The following MMRN1 variants were observed in gnomAD, a reference collection of about 807,000 sequenced individuals.
MMRN1 encodes multimerin-1.
A neutral mutation model predicts 100.7 loss-of-function variants in MMRN1; 94 were observed. The observed-to-expected ratio is 0.93, with a 90% CI of 0.79 to 1.11. The LOEUF (loss-of-function observed/expected upper bound fraction) is 1.11, where lower values mean the gene tolerates loss of function less well. MMRN1 is among the 50% of genes least tolerant of loss of function. The pLI, the probability that MMRN1 is intolerant of heterozygous loss-of-function variation, is 0.00. For synonymous variants in MMRN1, 575 were observed against 505.0 expected (o/e 1.14, Z -1.86); for missense variants, 1,606 against 1,439.1 (o/e 1.12, Z -1.88).
chr4:89,890,120 A>T (rs1721018416), upstream of MMRN1, among the ~76,000 whole-genome samples: 1 of 151,772 alleles, frequency 6.6e-6, no homozygotes, highest in Admixed American at 6.6e-5. Flanking sequence ...CTCTGAGACT[A>T]CCCCAACAGA....
At chr4:89,944,290 G>A (rs559991863) in intron 6 of MMRN1, among the ~76,000 whole-genome samples, 9 of 152,010 alleles carry the variant, frequency 5.9e-5, no homozygotes, top group Admixed American at 4.6e-4. Flanking sequence ...AAAATTACTG[G>A]TGCAAAGCCC....
At chr4:89,919,035 G>C (rs1264668989) in intron 3 of MMRN1, among the ~76,000 whole-genome samples, 2 of 151,432 alleles carry the variant, frequency 1.3e-5, no homozygotes, top group African/African-American at 2.4e-5. Context: ...TGACTTTTAA[G>C]TTTTCTAAGA....
intron 6 of MMRN1, among the ~76,000 whole-genome samples, chr4:89,951,239 G>A (rs186614780): frequency 6.6e-6 from 1 of 151,918 alleles, no homozygotes; most frequent in Admixed American, 6.6e-5. Flanking sequence ...ACCATGTATC[G>A]AACAGATATT....
chr4:89,951,841 T>G, intron 7 of MMRN1, 90 bp downstream of exon 7: 1 of 1,393,532 alleles, frequency 7.2e-7, no homozygotes, highest in Non-Finnish European at 9.8e-7. Flanking sequence ...TATTTAAGCC[T>G]GCTTAATCTG....
intron 1 of MMRN1, among the ~76,000 whole-genome samples, chr4:89,905,055 G>A (rs891719136): frequency 7.9e-5 from 12 of 151,576 alleles, no homozygotes; most frequent in African/African-American, 2.9e-4. Context: ...ATAGAGTTGA[G>A]AATGAGATGA....
At chr4:89,914,732 A>G (rs896346021) in intron 3 of MMRN1, among the ~76,000 whole-genome samples, 1 of 151,540 alleles carries the variant, frequency 6.6e-6, no homozygotes, top group Non-Finnish European at 1.5e-5. Flanking sequence ...CTTTTCAAAA[A>G]GTCAGCAGTA....
chr4:89,938,503 A>ATATATATATG (rs1300612845), intron 6 of MMRN1, among the ~76,000 whole-genome samples: 8 of 78,676 alleles, frequency 1.0e-4, no homozygotes, highest in African/African-American at 4.2e-4. Context: ...ATATATATAT[A>ATATATATATG]TATATATATT....
At chr4:89,941,121 G>T (rs1722808040) in intron 6 of MMRN1, among the ~76,000 whole-genome samples, 1 of 152,104 alleles carries the variant, frequency 6.6e-6, no homozygotes, top group Non-Finnish European at 1.5e-5. Flanking sequence ...TATACCTCAA[G>T]ATAACTAATA....
At chr4:89,895,687 A>C in intron 1 of MMRN1, 93 bp downstream of exon 1, 1 of 1,444,994 alleles carries the variant, frequency 6.9e-7, no homozygotes, top group Non-Finnish European at 9.1e-7. Context: ...AAATTATTTC[A>C]AATTCAAGAT....
chr4:89,880,218 A>G (rs1299153530), intron 1 of MMRN1, among the ~76,000 whole-genome samples: 1 of 152,192 alleles, frequency 6.6e-6, no homozygotes, highest in Non-Finnish European at 1.5e-5. Context: ...TAAGCCCTAA[A>G]GTAAAAGGAT....
chr4:89,879,692 T>A (rs1720779565), intron 1 of MMRN1: 1 of 152,152 alleles, frequency 6.6e-6, no homozygotes, highest in East Asian at 1.9e-4. Flanking sequence ...AGATTACAGG[T>A]CTATTTCAAG....
At position 89,915,379 on chromosome 4, in the gene MMRN1, A is replaced by G. The variant is rs561262801; in HGVS notation, c.850+3329A>G. 2.0e-5 allele frequency among the ~76,000 whole-genome samples: 3 copies of G among 151,648 alleles called. No individual in the cohort carries two copies. In the East Asian group the frequency reaches 5.8e-4, roughly 29 times the overall value. On this transcript the variant is annotated intron_variant, in intron 3 of 7. Transcript: ENST00000264790. ...TCAATTTACCTAGTAAATCTCAGTA[A>G]AGCTTAACATGTACACCGAACATTC...
chr4:89,932,864 G>T (rs1257472685), intron 5 of MMRN1, among the ~76,000 whole-genome samples: 2 of 152,108 alleles, frequency 1.3e-5, no homozygotes, highest in Admixed American at 1.3e-4. Context: ...CATTGTCTTG[G>T]CAGTTAACAT....
rs764890579 is a variant in MMRN1, at chr4:89,953,287, G to A, written c.3556G>A (p.Val1186Ile). 1.2e-6 allele frequency: 2 copies of A among 1,613,860 alleles called. No homozygotes were observed. The highest frequency in any genetic ancestry group is 4.5e-5 in the East Asian group (2 of 44,856). ...NINSEIHCDR[V>I]LTGDALLELN... ...TAACAGTGAAATACACTGTGATAGG[G>A]TTTTAACTGGGGATGCCTTATTAGA... The change falls in exon 8 of 8, where the codon GTT becomes ATT. Residue 1186 changes from valine to isoleucine, a missense_variant. Transcript: ENST00000264790.
intron 6 of MMRN1, among the ~76,000 whole-genome samples, chr4:89,949,029 A>G (rs1723077399): frequency 6.6e-6 from 1 of 152,132 alleles, no homozygotes; most frequent in Non-Finnish European, 1.5e-5. Flanking sequence ...CACCCTCTGA[A>G]ATGACTCAAA....
chr4:89,921,031 T>G (rs1190184415), intron 3 of MMRN1, among the ~76,000 whole-genome samples: 1 of 152,092 alleles, frequency 6.6e-6, no homozygotes, highest in Non-Finnish European at 1.5e-5. Flanking sequence ...AAAAGGAAAT[T>G]CGAATAGTAA....
At position 89,936,357 on chromosome 4, in the gene MMRN1, G is replaced by A. The variant is rs747795533; in HGVS notation, c.2677G>A (p.Ala893Thr). The change falls in exon 6 of 8, where the codon GCT becomes ACT. Residue 893 changes from alanine (A) to threonine (T), a missense_variant. Physicochemically the swap from Ala to Thr is moderately conservative, Grantham distance 58. Transcript: ENST00000264790. ...GSVVTNERDQ[A>T]LQLQVLNSRF... is the part of the protein sequence containing the mutation. ...TGTAGTTACAAATGAGAGAGATCAG[G>A]CTCTTCAACTGCAAGTATTAAATTC... 4 of 1,612,162 alleles carry A rather than the reference G, an allele frequency of 2.5e-6. No homozygotes were observed. Among genetic ancestry groups the A allele is most frequent in the Admixed American group, 3.3e-5 (2 of 59,702 alleles).
At chr4:89,888,716 T>C (rs545023413) in intron 1 of MMRN1, among the ~76,000 whole-genome samples, 1 of 152,130 alleles carries the variant, frequency 6.6e-6, no homozygotes, top group African/African-American at 2.4e-5. Flanking sequence ...ATATTTCCAG[T>C]ATGCTATCAA....
chr4:89,882,272 T>C (rs1427092648), intron 1 of MMRN1, among the ~76,000 whole-genome samples: 1 of 151,208 alleles, frequency 6.6e-6, no homozygotes, highest in East Asian at 1.9e-4. Flanking sequence ...TTGAAACATT[T>C]CTATCAATAT....
Sources: allele counts gnomAD v4.1 joint callset (sites outside exome capture counted in the v4.1 genomes callset), GRCh38; gene constraint gnomAD v4.1.1; transcripts MANE v1.5; gene names NCBI Gene and HGNC (gene_info 2026-07-23, HGNC 2026-07-21).